The following TEP1 variants were observed in gnomAD, a reference collection of about 807,000 sequenced individuals.
TEP1 encodes the protein telomerase protein component 1.
A neutral mutation model predicts 306.3 loss-of-function variants in TEP1; 241 were observed. The observed-to-expected ratio is 0.79, with a 90% CI of 0.71 to 0.88. The LOEUF (loss-of-function observed/expected upper bound fraction) is 0.88. TEP1 is among the 40% of genes least tolerant of loss of function. The pLI is 0.00. For missense variants in TEP1, 3,051 were observed against 3,276.1 expected (o/e 0.93, Z 1.68); for synonymous variants, 1,289 against 1,305.5 (o/e 0.99, Z 0.27).
At position 20,410,485 on chromosome 14, in the gene TEP1, C is replaced by T. The variant is rs150161561; in HGVS notation, c.-24-2022G>A. 3.6e-4 allele frequency among the ~76,000 whole-genome samples: 55 copies of T among 152,138 alleles called. 2 individuals carry two copies. The East Asian group carries it at 9.3e-3, about 26-fold the overall frequency. ...TCACCCAGGCTGGAGTGCAATGGCACGATCTTGGCTCACTGCAACCTCCGC... is the reference window on the plus strand; with the variant it reads ...TCACCCAGGCTGGAGTGCAATGGCATGATCTTGGCTCACTGCAACCTCCGC... On this transcript the variant is annotated intron_variant, in intron 1 of 54. Coordinates refer to ENST00000262715, the MANE Select transcript of TEP1 (RefSeq NM_007110.5).
At chr14:20,406,124 G>T in intron 3 of TEP1, 109 bp downstream of exon 3, 1 of 1,003,954 alleles carries the variant, frequency 1.0e-6, no homozygotes. Flanking sequence ...GAGCTAGGTT[G>T]TATCCCTACC....
intron 1 of TEP1, among the ~76,000 whole-genome samples, chr14:20,411,938 C>T (rs1879709686): frequency 6.6e-6 from 1 of 151,352 alleles, no homozygotes; most frequent in African/African-American, 2.4e-5. Flanking sequence ...CATAGTGAGA[C>T]CTCTATTTAA....
chr14:20,408,494 C>T lies in TEP1; in HGVS notation c.-24-31G>A, dbSNP rs150066759. On this transcript the variant is annotated intron_variant, in intron 1 of 54. Transcript: ENST00000262715. ...AGGAGAGAAAGACAGGAGATGAGCA[C>T]CTGGCTGCACTGAGCGTGTATTTGC... The T allele has an allele frequency of 2.5e-5, 38 of 1,534,764 alleles. No homozygotes were observed. In the African/African-American group the frequency reaches 4.4e-4, roughly 18 times the overall value.
At chr14:20,376,323 G>A in intron 41 of TEP1, 59 bp from the exon 42 acceptor site, 6 of 1,564,230 alleles carry the variant, frequency 3.8e-6, no homozygotes, top group South Asian at 1.2e-5. Flanking sequence ...GACAGGCCCT[G>A]GGAGGCCAAA....
intron 20 of TEP1, 44 bp downstream of exon 20, chr14:20,386,031 T>G: frequency 6.5e-7 from 1 of 1,548,242 alleles, no homozygotes; most frequent in South Asian, 1.3e-5. Context: ...TCTGCCCCAA[T>G]CTTTGCTTCC....
chr14:20,384,234 T>TGA lies in TEP1; in HGVS notation c.3340-4_3340-3dup. The TGA allele has an allele frequency of 6.2e-7, 1 of 1,613,340 alleles. No individual in the cohort carries two copies. The highest frequency in any genetic ancestry group is 2.2e-5 in the East Asian group (1 of 44,884). Reference sequence around the variant, plus strand: ...TGGCTGCTCCAGCAGGGCCCCAGGCTGAGGGTAAATGGGTCAGTGACTATC... The same window carrying TGA: ...TGGCTGCTCCAGCAGGGCCCCAGGCTGAGAGGGTAAATGGGTCAGTGACTATC... On this transcript the variant is annotated splice_polypyrimidine_tract_variant and splice_region_variant and intron_variant, in intron 23 of 54. Transcript: ENST00000262715.
rs760454927 is a variant in TEP1, at chr14:20,390,748, T to G, written c.2267A>C (p.Glu756Ala). The stretch of plus-strand genomic sequence containing the variant: ...AGTATTCAGGGACCATCCATCATTT[T>G]CATCAAACTCCTGAAGGAAAGAGAC... ...KLQAQVQEFD[E>A]NDGWSLNTFG... Residue 756 changes from glutamate to alanine, a missense_variant, in exon 15 of 55, where the codon GAA (glutamate) becomes GCA (alanine). Glu to Ala is a moderately radical substitution (Grantham distance 107). Transcript: ENST00000262715. 2.2e-5 allele frequency: 36 copies of G among 1,614,228 alleles called. No homozygotes were observed. Among genetic ancestry groups the G allele is most frequent in the Admixed American group, 1.2e-4 (7 of 60,032 alleles).
intron 1 of TEP1, among the ~76,000 whole-genome samples, chr14:20,410,270 C>T (rs1879547852): frequency 6.6e-6 from 1 of 152,118 alleles, no homozygotes; most frequent in African/African-American, 2.4e-5. Flanking sequence ...TTGAAACCCT[C>T]TAATCCATGT....
In TEP1 at chr14:20,371,624, A is replaced by G; in HGVS notation, c.7085T>C (p.Leu2362Pro). 1.3e-6 allele frequency: 2 copies of G among 1,573,772 alleles called. No homozygotes were observed. The highest frequency in any genetic ancestry group is 8.6e-7 in the Non-Finnish European group (1 of 1,168,888). Residue 2362 changes from leucine to proline, a missense_variant, in exon 50 of 55, where the codon CTG becomes CCG. Transcript: ENST00000262715. ...GSAPGNLSLH[L>P]NRILQEDLGV... Reference sequence around the variant, plus strand: ...TAAGTCCTCCTGTAGAATTCGGTTCAGGTGAAGACTAGCTCAAAAAAGTAC... The same window carrying G: ...TAAGTCCTCCTGTAGAATTCGGTTCGGGTGAAGACTAGCTCAAAAAAGTAC...
intron 41 of TEP1, 23 bp downstream of exon 41, chr14:20,377,257 C>T (rs1209391848): frequency 1.9e-6 from 3 of 1,547,960 alleles, no homozygotes; most frequent in Non-Finnish European, 2.6e-6. Context: ...AATTTGTTAA[C>T]CCTGCCCACT....
Position 20,391,913 on chromosome 14 carries a change from T to C in TEP1, c.1929-146A>G, listed in dbSNP as rs564115788. The C allele has an allele frequency of 3.8e-3, 3,048 of 810,544 alleles. 40 individuals are homozygous for C. Among genetic ancestry groups the C allele is most frequent in the Non-Finnish European group, 2.5e-3 (1,280 of 518,840 alleles). The allele number at this position is 810,544 out of a possible 1,614,324, so 50.2% of individuals were successfully genotyped here. ...CCGCTTCCACAGCCCACTCCATTTC[T>C]GGTGTAGAGGACTGGGAGAGAGCTT... is the stretch of plus-strand genomic sequence containing the variant. On this transcript the variant is annotated intron_variant, in intron 12 of 54. Coordinates refer to ENST00000262715, the MANE Select transcript of TEP1 (RefSeq NM_007110.5).
intron 1 of TEP1, among the ~76,000 whole-genome samples, chr14:20,409,756 C>T (rs532430912): frequency 4.4e-4 from 67 of 152,216 alleles, no homozygotes; most frequent in Middle Eastern, 6.8e-3. Flanking sequence ...CGCGGTGGCT[C>T]ACGCCTGTAA....
At position 20,368,310 on chromosome 14, in the gene TEP1, A is replaced by G; in HGVS notation, c.*127T>C. On this transcript the variant is annotated 3_prime_UTR_variant, in exon 55 of 55. Coordinates refer to ENST00000262715, the MANE Select transcript of TEP1 (RefSeq NM_007110.5). Reference sequence around the variant, plus strand: ...GAACACAGGCAGGCCTACACTTGAGATTTTTTGACACTTCATTTTTATAAT... The same window carrying G: ...GAACACAGGCAGGCCTACACTTGAGGTTTTTTGACACTTCATTTTTATAAT... The G allele has an allele frequency of 4.2e-6, 5 of 1,200,662 alleles. No individual in the cohort carries two copies. Among genetic ancestry groups the G allele is most frequent in the Non-Finnish European group, 5.6e-6 (5 of 889,588 alleles). The allele number at this position is 1,200,662 out of a possible 1,614,324, so 74.4% of individuals were successfully genotyped here. A position where few individuals can be genotyped will look rare whatever the true frequency, so the allele number is the denominator to read the frequency against.
At chr14:20,407,019 A>G (rs928933858) in intron 2 of TEP1, among the ~76,000 whole-genome samples, 16 of 152,230 alleles carry the variant, frequency 1.1e-4, no homozygotes, top group African/African-American at 3.9e-4. Flanking sequence ...CCAAGGTTGC[A>G]TAGTTTGTAA....
chr14:20,396,581 T>C (rs1422248876), intron 10 of TEP1, 40 bp downstream of exon 10: 12 of 1,550,102 alleles, frequency 7.7e-6, no homozygotes, highest in Non-Finnish European at 9.8e-6. Context: ...CGTGCACATC[T>C]AGTTGCTGGG....
chr14:20,402,502 T>C (rs987311668), intron 7 of TEP1, among the ~76,000 whole-genome samples: 1 of 152,230 alleles, frequency 6.6e-6, no homozygotes, highest in African/African-American at 2.4e-5. Flanking sequence ...TAGTGATAGC[T>C]AACACTTATT....
chr14:20,380,791 G>T, intron 33 of TEP1, 140 bp downstream of exon 33: 1 of 755,312 alleles, frequency 1.3e-6, no homozygotes, highest in Non-Finnish European at 2.2e-6. Flanking sequence ...TCACCCTCTT[G>T]GCATTTTCAA....
chr14:20,403,381 C>G lies in TEP1; in HGVS notation c.1262G>C (p.Arg421Thr). Reference sequence around the variant, plus strand: ...ACCCCAGAAGAAGGGACTCACCTTTCTCTGCTCTTCTCTGAGAAACCCTAT... The same window carrying G: ...ACCCCAGAAGAAGGGACTCACCTTTGTCTGCTCTTCTCTGAGAAACCCTAT... ...RYIGFLREEQRKFEKAGDTVS... is the reference protein window; with the variant it reads ...RYIGFLREEQTKFEKAGDTVS... The change falls in exon 7 of 55, where the codon AGA becomes ACA. Residue 421 changes from arginine (R) to threonine (T), a missense_variant. This residue lies in a region of TEP1 where 1,507 missense variants were observed against 1,550.5 expected (regional missense o/e 0.97). Coordinates refer to ENST00000262715, the MANE Select transcript of TEP1 (RefSeq NM_007110.5). 1 of 1,614,176 alleles carries G rather than the reference C, an allele frequency of 6.2e-7. No homozygotes were observed. Among genetic ancestry groups the G allele is most frequent in the Non-Finnish European group, 8.5e-7 (1 of 1,180,032 alleles).
chr14:20,383,667 G>T, intron 25 of TEP1, 23 bp from the exon 26 acceptor site: 1 of 1,607,790 alleles, frequency 6.2e-7, no homozygotes, highest in South Asian at 1.1e-5. Context: ...AGGAAGTCAG[G>T]GTCAGTGGGA....
Sources: allele counts gnomAD v4.1 joint callset (sites outside exome capture counted in the v4.1 genomes callset), GRCh38; gene constraint gnomAD v4.1.1; regional missense constraint gnomAD v4.1.1; transcripts MANE v1.5; gene names NCBI Gene and HGNC (gene_info 2026-07-23, HGNC 2026-07-21).